Variants in NEO1 observed in about 807,000 individuals in gnomAD.
NEO1 encodes the protein neogenin.
In NEO1, 63 loss-of-function variants were observed where a neutral mutation model predicts 159.7. That is an observed-to-expected ratio of 0.39 (90% confidence interval 0.32 to 0.49). NEO1 has a LOEUF of 0.49. NEO1 is among the 20% of genes least tolerant of loss of function. NEO1 has a pLI of 0.85. For missense variants in NEO1, 1,615 were observed against 1,831.0 expected, an observed-to-expected ratio of 0.88 and a Z score of 2.15; for synonymous variants, 633 against 662.0, an observed-to-expected ratio of 0.96 and a Z score of 0.67.
At chr15:73,125,982 A>G (rs1179309538) in intron 3 of NEO1, among the ~76,000 whole-genome samples, 3 of 152,198 alleles carry the variant, frequency 2.0e-5, no homozygotes, top group African/African-American at 7.2e-5. Context: ...TTCAATGTGA[A>G]TGGGATTCAT....
intron 28 of NEO1, among the ~76,000 whole-genome samples, chr15:73,301,868 T>C (rs1473135506): frequency 6.6e-6 from 1 of 152,140 alleles, no homozygotes; most frequent in Admixed American, 6.6e-5. Context: ...GGGGTTTCAC[T>C]ATGTTGGCCA....
chr15:73,256,469 C>G (rs1009566745), intron 13 of NEO1, among the ~76,000 whole-genome samples: 2 of 152,096 alleles, frequency 1.3e-5, no homozygotes, highest in Non-Finnish European at 1.5e-5. Context: ...CACTGCACTC[C>G]AGCCTGGACA....
At chr15:73,187,995 G>A (rs567674126) in intron 7 of NEO1, among the ~76,000 whole-genome samples, 12 of 152,282 alleles carry the variant, frequency 7.9e-5, no homozygotes, top group Non-Finnish European at 1.5e-4. Flanking sequence ...CTGCCCAAGC[G>A]TCTGCCTTTC....
chr15:73,249,482 C>T (rs1368939383), intron 10 of NEO1, 101 bp from the exon 11 acceptor site: 1 of 1,276,594 alleles, frequency 7.8e-7, no homozygotes, highest in African/African-American at 1.5e-5. Flanking sequence ...GGGATAAAAT[C>T]TGTTTCATGT....
chr15:73,301,657 C>A, intron 28 of NEO1, 200 bp downstream of exon 28: 1 of 645,468 alleles, frequency 1.5e-6, no homozygotes, highest in Non-Finnish European at 2.6e-6. Flanking sequence ...GGTGTGCTTT[C>A]TTTCCCATAT....
intron 15 of NEO1, among the ~76,000 whole-genome samples, chr15:73,264,810 T>C (rs1449681618): frequency 1.3e-5 from 2 of 152,212 alleles, no homozygotes; most frequent in African/African-American, 4.8e-5. Context: ...CTCAAACCTG[T>C]TGATCAATCA....
chr15:73,200,375 G>C lies in NEO1; in HGVS notation c.1291+21948G>C, dbSNP rs114405320. Among the ~76,000 whole-genome samples, 468 of 150,934 alleles carry C rather than the reference G, an allele frequency of 3.1e-3. 1 individual carries two copies. The highest frequency in any genetic ancestry group is 0.011 in the African/African-American group (438 of 41,146). Reference sequence around the variant, plus strand: ...GTGGGCAGATCACCTGAGCTTAGGAGTTTAAGACCAGCCTGGGCAACATAG... The same window carrying C: ...GTGGGCAGATCACCTGAGCTTAGGACTTTAAGACCAGCCTGGGCAACATAG... On this transcript the variant is annotated intron_variant, in intron 7 of 28. Coordinates refer to ENST00000261908, the MANE Select transcript of NEO1 (RefSeq NM_002499.4).
At position 73,288,521 on chromosome 15, in the gene NEO1, A is replaced by C. The variant is rs748872952; in HGVS notation, c.3619A>C (p.Asn1207His). 3.1e-6 allele frequency: 5 copies of C among 1,614,164 alleles called. No homozygotes were observed. The South Asian group carries it at 5.5e-5, about 18-fold the overall frequency. The change falls in exon 24 of 29, where the codon AAT (asparagine) becomes CAT (histidine). Residue 1207 changes from asparagine (N) to histidine (H), a missense_variant. Physicochemically the swap from Asn to His is moderately conservative, Grantham distance 68. This residue lies in a region of NEO1 where 471 missense variants were observed against 498.9 expected (regional missense o/e 0.94). Coordinates refer to ENST00000261908, the MANE Select transcript of NEO1 (RefSeq NM_002499.4). ...ITPVDNSMDS[N>H]IHQRRNSYRG... ...ACCAGTTGACAACTCCATGGACAGCAATATCCATCAAAGGCGAAATTCATA... is the reference window on the plus strand; with the variant it reads ...ACCAGTTGACAACTCCATGGACAGCCATATCCATCAAAGGCGAAATTCATA...
chr15:73,221,602 G>T (rs1596382981), intron 7 of NEO1: 1 of 156,088 alleles, frequency 6.4e-6, no homozygotes, highest in African/African-American at 2.4e-5. Context: ...CTTCCGGGCT[G>T]CTTTGTTTAC....
At chr15:73,286,689 C>T (rs75776712) in intron 23 of NEO1, among the ~76,000 whole-genome samples, 3 of 152,214 alleles carry the variant, frequency 2.0e-5, no homozygotes, top group Non-Finnish European at 4.4e-5. Context: ...TCTTTTCAGG[C>T]AAACCCGCTT....
At chr15:73,208,012 T>G (rs768181037) in intron 7 of NEO1, among the ~76,000 whole-genome samples, 20 of 152,212 alleles carry the variant, frequency 1.3e-4, no homozygotes, top group Non-Finnish European at 2.2e-4. Flanking sequence ...TCAAGGAGAT[T>G]CAGGATATTT....
rs1209025682 is a variant in NEO1 at position 73,149,864 on chromosome 15, A to G, written c.1015+13837A>G. Among the ~76,000 whole-genome samples the G allele has an allele frequency of 3.3e-5, 5 of 152,222 alleles. No homozygotes were observed. In the South Asian group the frequency reaches 1.0e-3, roughly 32 times the overall value. ...CATTGATCATTTCCTTTTGTTGGGA[A>G]CATTTCAAATCTTCTAGTTATTTTG... is the stretch of plus-strand genomic sequence containing the variant. On this transcript the variant is annotated intron_variant, in intron 5 of 28. Coordinates refer to ENST00000261908, the MANE Select transcript of NEO1 (RefSeq NM_002499.4).
chr15:73,288,214 G>A, intron 23 of NEO1, 99 bp from the exon 24 acceptor site: 1 of 1,171,736 alleles, frequency 8.5e-7, no homozygotes, highest in South Asian at 1.5e-5. Context: ...TTTTTTGCTT[G>A]AAACATCTCT....
At chr15:73,242,371 A>T (rs953311254) in intron 8 of NEO1, among the ~76,000 whole-genome samples, 1 of 152,122 alleles carries the variant, frequency 6.6e-6, no homozygotes, top group Non-Finnish European at 1.5e-5. Flanking sequence ...AAATGTTATT[A>T]AAAAAATCAT....
intron 5 of NEO1, among the ~76,000 whole-genome samples, chr15:73,166,039 T>C (rs1347223708): frequency 6.6e-6 from 1 of 152,188 alleles, no homozygotes; most frequent in Non-Finnish European, 1.5e-5. Context: ...CAAGTTCCCT[T>C]ATCTGTGCCT....
intron 13 of NEO1, 51 bp downstream of exon 13, chr15:73,254,880 T>C (rs372127421): frequency 5.1e-6 from 8 of 1,575,186 alleles, no homozygotes; most frequent in African/African-American, 2.7e-5. Flanking sequence ...TTCTCAGATA[T>C]TGAATTATGC....
chr15:73,272,134 C>CTA (rs751347275), intron 18 of NEO1, among the ~76,000 whole-genome samples: 1 of 152,158 alleles, frequency 6.6e-6, no homozygotes, highest in Non-Finnish European at 1.5e-5. Context: ...AAGTGAGATA[C>CTA]TATGTGTACG....
intron 15 of NEO1, 83 bp from the exon 16 acceptor site, chr15:73,266,233 T>C: frequency 1.0e-6 from 1 of 986,846 alleles, no homozygotes; most frequent in South Asian, 1.9e-5. Flanking sequence ...AATTCTTCTG[T>C]GGTTAAGATT....
intron 1 of NEO1, among the ~76,000 whole-genome samples, chr15:73,097,224 G>T (rs1358891368): frequency 6.6e-6 from 1 of 152,158 alleles, no homozygotes; most frequent in Non-Finnish European, 1.5e-5. Context: ...TGGTATCATT[G>T]CTTACAAAAA....
Sources: allele counts gnomAD v4.1 joint callset (sites outside exome capture counted in the v4.1 genomes callset), GRCh38; gene constraint gnomAD v4.1.1; regional missense constraint gnomAD v4.1.1; transcripts MANE v1.5; gene names NCBI Gene and HGNC (gene_info 2026-07-23, HGNC 2026-07-21).